The following FAM107B variants were observed in gnomAD, a reference collection of about 807,000 sequenced individuals.
The protein encoded by FAM107B is protein FAM107B.
A neutral mutation model predicts 31.5 loss-of-function variants in FAM107B; 21 were observed. The observed-to-expected ratio is 0.67, with a 90% CI of 0.47 to 0.96. The LOEUF (loss-of-function observed/expected upper bound fraction) is 0.96, where lower values mean the gene tolerates loss of function less well. Ranked by LOEUF, FAM107B falls within the 40% of genes least tolerant of loss-of-function variation. The probability of loss-of-function intolerance (pLI) is 0.00; values close to 1 mark genes in which losing one functional copy is unlikely to be tolerated. For missense variants in FAM107B, 452 were observed against 377.1 expected, an observed-to-expected ratio of 1.20 and a Z score of -1.64; for synonymous variants, 157 against 141.5, an observed-to-expected ratio of 1.11 and a Z score of -0.78.
At chr10:14,537,375 A>AATG (rs1380113793) in intron 2 of FAM107B, among the ~76,000 whole-genome samples, 4 of 152,152 alleles carry the variant, frequency 2.6e-5, no homozygotes, top group Non-Finnish European at 5.9e-5. Context: ...CCAGTCTCCA[A>AATG]ATGAGGCTGA....
chr10:14,584,247 T>G (rs556466648), intron 2 of FAM107B, among the ~76,000 whole-genome samples: 1 of 152,086 alleles, frequency 6.6e-6, no homozygotes, highest in Non-Finnish European at 1.5e-5. Flanking sequence ...TTAAGCCCTA[T>G]AGGACCCTAA....
At chr10:14,559,044 A>G (rs1298551079) in intron 2 of FAM107B, among the ~76,000 whole-genome samples, 1 of 150,054 alleles carries the variant, frequency 6.7e-6, no homozygotes, top group African/African-American at 2.5e-5. Flanking sequence ...CTTCCAACGC[A>G]GTCCAGCTGT....
chr10:14,521,098 A>G lies in FAM107B; in HGVS notation c.*92T>C, dbSNP rs3780915. On this transcript the variant is annotated 3_prime_UTR_variant, in exon 5 of 5. Coordinates refer to ENST00000181796, the MANE Select transcript of FAM107B (RefSeq NM_031453.4). Reference sequence around the variant, plus strand: ...GCAAGTCAAAATTCTCTGCTGGCTGAAATATTCTCCAGGGGCTTTTGCCCT... The same window carrying G: ...GCAAGTCAAAATTCTCTGCTGGCTGGAATATTCTCCAGGGGCTTTTGCCCT... 0.85 allele frequency: 821,990 copies of G among 967,154 alleles called. 351,377 individuals are homozygous for G. The highest frequency in any genetic ancestry group is 0.9 in the East Asian group (34,401 of 38,276). 59.9% of individuals were successfully genotyped at this position (967,154 alleles called of 1,614,324 possible).
chr10:14,559,716 C>T (rs1588585733), intron 2 of FAM107B, among the ~76,000 whole-genome samples: 1 of 149,196 alleles, frequency 6.7e-6, no homozygotes, highest in African/African-American at 2.5e-5. Context: ...GGACTACAGG[C>T]GCCAGCCACC....
intron 2 of FAM107B, among the ~76,000 whole-genome samples, chr10:14,575,207 T>TC (rs1390182441): frequency 1.8e-4 from 23 of 127,924 alleles, no homozygotes; most frequent in African/African-American, 6.5e-4. Context: ...CTTTTTGTTT[T>TC]TTTGTTTTTT....
chr10:14,575,124 GT>G (rs955074961), intron 2 of FAM107B, among the ~76,000 whole-genome samples: 3 of 152,158 alleles, frequency 2.0e-5, no homozygotes, highest in African/African-American at 7.2e-5. Flanking sequence ...AATAAAGCAG[GT>G]GGCATATTTT....
At chr10:14,686,710 G>A (rs754457762) in intron 1 of FAM107B, among the ~76,000 whole-genome samples, 2 of 152,186 alleles carry the variant, frequency 1.3e-5, no homozygotes, top group African/African-American at 2.4e-5. Flanking sequence ...TGAGGCTTGA[G>A]TCAGCACAAA....
chr10:14,528,887 G>T (rs1053799228), intron 3 of FAM107B, among the ~76,000 whole-genome samples: 1 of 152,158 alleles, frequency 6.6e-6, no homozygotes, highest in African/African-American at 2.4e-5. Context: ...GCAAATGTTG[G>T]TTTTACTCTG....
intron 2 of FAM107B, among the ~76,000 whole-genome samples, chr10:14,608,424 T>G (rs1404807434): frequency 1.3e-5 from 2 of 152,194 alleles, no homozygotes; most frequent in Admixed American, 6.5e-5. Context: ...ATACTGTGGG[T>G]TGGCAATTTG....
chr10:14,762,733 GAGAC>G (rs1206707685), intron 1 of FAM107B, among the ~76,000 whole-genome samples: 1 of 146,504 alleles, frequency 6.8e-6, no homozygotes, highest in East Asian at 2.0e-4. Context: ...TACAGCCTGG[GAGAC>G]AGAGTGAAAC....
chr10:14,617,779 G>A (rs984207269), intron 2 of FAM107B, among the ~76,000 whole-genome samples: 58 of 148,800 alleles, frequency 3.9e-4, no homozygotes, highest in African/African-American at 1.4e-3. Context: ...AAAAAGGCCT[G>A]AGACAGGCCC....
At chr10:14,639,026 ATAAAAAAT>A (rs1037554746) in intron 2 of FAM107B, among the ~76,000 whole-genome samples, 6 of 152,036 alleles carry the variant, frequency 3.9e-5, no homozygotes, top group African/African-American at 1.4e-4. Flanking sequence ...CCCCATCTCT[ATAAAAAAT>A]TAAAAAATTT....
chr10:14,591,381 G>A (rs933225018), intron 2 of FAM107B, among the ~76,000 whole-genome samples: 3 of 152,138 alleles, frequency 2.0e-5, no homozygotes, highest in Admixed American at 1.3e-4. Context: ...CCGTGCAAAC[G>A]GTAATTAACT....
chr10:14,734,357 G>T (rs1422467914), intron 1 of FAM107B, among the ~76,000 whole-genome samples: 1 of 152,144 alleles, frequency 6.6e-6, no homozygotes, highest in Non-Finnish European at 1.5e-5. Flanking sequence ...CCTATAGGGA[G>T]TTGGAAGCAT....
intron 2 of FAM107B, among the ~76,000 whole-genome samples, chr10:14,590,531 G>A (rs945647767): frequency 2.0e-5 from 3 of 152,148 alleles, no homozygotes; most frequent in Non-Finnish European, 4.4e-5. Context: ...GTATGTCACC[G>A]TGCAGCCTGG....
intron 1 of FAM107B, among the ~76,000 whole-genome samples, chr10:14,772,362 A>T (rs190479092): frequency 0.074 from 10,759 of 145,490 alleles, 452 homozygotes; most frequent in East Asian, 0.1. Context: ...TTAAAAAAAA[A>T]ATATATATAT....
At chr10:14,681,413 T>A (rs1191153118) in intron 1 of FAM107B, among the ~76,000 whole-genome samples, 1 of 152,232 alleles carries the variant, frequency 6.6e-6, no homozygotes, top group African/African-American at 2.4e-5. Context: ...CATAGGGTCC[T>A]TCTTCATTGC....
intron 1 of FAM107B, among the ~76,000 whole-genome samples, chr10:14,737,652 A>G (rs1856332604): frequency 6.6e-6 from 1 of 152,026 alleles, no homozygotes; most frequent in South Asian, 2.1e-4. Context: ...AAAAGCAAGC[A>G]TTTTATTTTC....
chr10:14,528,317 G>A (rs1391746505), intron 3 of FAM107B, among the ~76,000 whole-genome samples: 3 of 151,476 alleles, frequency 2.0e-5, no homozygotes, highest in African/African-American at 7.3e-5. Flanking sequence ...GAGTGGTTGG[G>A]ATTACAGGCA....
Sources: allele counts gnomAD v4.1 joint callset (sites outside exome capture counted in the v4.1 genomes callset), GRCh38; gene constraint gnomAD v4.1.1; transcripts MANE v1.5; gene names NCBI Gene and HGNC (gene_info 2026-07-23, HGNC 2026-07-21).